The following RSRC1 variants were observed in gnomAD, a reference collection of about 807,000 sequenced individuals.
RSRC1 encodes the protein arginine and serine rich coiled-coil 1, also known as serine/Arginine-related protein 53.
RSRC1 carries 39 observed loss-of-function variants against 49.1 expected under a neutral mutation model. The ratio of observed to expected loss-of-function variants is 0.79; its 90% CI spans 0.61 to 1.04. The LOEUF (loss-of-function observed/expected upper bound fraction) is 1.04. Ranked by LOEUF, RSRC1 falls within the 50% of genes least tolerant of loss-of-function variation. RSRC1 has a pLI of 0.00. For missense variants in RSRC1, 388 were observed against 402.4 expected (o/e 0.96, Z 0.31); for synonymous variants, 143 against 130.8 (o/e 1.09, Z -0.63).
chr3:158,379,239 C>T (rs908258409), intron 6 of RSRC1, among the ~76,000 whole-genome samples: 1 of 130,430 alleles, frequency 7.7e-6, no homozygotes, highest in Non-Finnish European at 1.5e-5. Context: ...CTCGCTCTGT[C>T]GCCCAGGCTG....
At chr3:158,456,710 C>T (rs1290695913) in intron 6 of RSRC1, among the ~76,000 whole-genome samples, 2 of 151,996 alleles carry the variant, frequency 1.3e-5, no homozygotes, top group South Asian at 4.2e-4. Flanking sequence ...AATGGGCACC[C>T]CAGCAGTAAC....
At chr3:158,165,103 C>T (rs575397067) in intron 3 of RSRC1, among the ~76,000 whole-genome samples, 2 of 152,174 alleles carry the variant, frequency 1.3e-5, no homozygotes, top group Admixed American at 6.5e-5. Context: ...AGAGAATAAG[C>T]GGAACCTTTG....
intron 3 of RSRC1, among the ~76,000 whole-genome samples, chr3:158,145,451 G>T (rs1386276988): frequency 6.6e-6 from 1 of 152,112 alleles, no homozygotes. Context: ...TAGATATGTG[G>T]TATTATTTCT....
rs200072005 is a variant in RSRC1, at chr3:158,540,966, T to TA, written c.760-2368dup. Among the ~76,000 whole-genome samples, 29 of 152,284 alleles carry TA rather than the reference T, an allele frequency of 1.9e-4. No individual in the cohort carries two copies. In the East Asian group the frequency reaches 5.6e-3, roughly 29 times the overall value. On this transcript the variant is annotated intron_variant, in intron 8 of 9. Coordinates refer to ENST00000611884, the MANE Select transcript of RSRC1 (RefSeq NM_001271838.2). ...GGAAATAAAAGGTGAGCCCCACAGTTACCCAGCTTTCTGTATGAGGGCACT... is the reference window on the plus strand; with the variant it reads ...GGAAATAAAAGGTGAGCCCCACAGTTAACCCAGCTTTCTGTATGAGGGCACT...
At chr3:158,196,580 G>T (rs954299458) in intron 3 of RSRC1, among the ~76,000 whole-genome samples, 1 of 152,124 alleles carries the variant, frequency 6.6e-6, no homozygotes, top group Non-Finnish European at 1.5e-5. Context: ...TCTTGTGCCA[G>T]TTTTCAAAGG....
chr3:158,408,081 G>A (rs754687500), intron 6 of RSRC1, among the ~76,000 whole-genome samples: 11 of 152,078 alleles, frequency 7.2e-5, no homozygotes, highest in Non-Finnish European at 1.3e-4. Context: ...GGTTGGGGTT[G>A]GTCAGGGAAT....
chr3:158,268,127 CTCTG>C (rs1363397821), intron 4 of RSRC1, among the ~76,000 whole-genome samples: 4 of 152,102 alleles, frequency 2.6e-5, no homozygotes, highest in African/African-American at 9.7e-5. Flanking sequence ...ATAGAGCTCA[CTCTG>C]TCTGTTTTGC....
chr3:158,347,492 A>G (rs974572676), intron 5 of RSRC1, among the ~76,000 whole-genome samples: 1 of 152,184 alleles, frequency 6.6e-6, no homozygotes, highest in South Asian at 2.1e-4. Context: ...ACATATGATA[A>G]TATGGAATTG....
chr3:158,468,863 A>G (rs528064474), intron 7 of RSRC1, among the ~76,000 whole-genome samples: 1 of 152,330 alleles, frequency 6.6e-6, no homozygotes, highest in East Asian at 1.9e-4. Context: ...ATAAAATTAA[A>G]TCACAAGGCT....
At chr3:158,464,456 T>A (rs1422848892) in intron 7 of RSRC1, among the ~76,000 whole-genome samples, 1 of 152,154 alleles carries the variant, frequency 6.6e-6, no homozygotes, top group Non-Finnish European at 1.5e-5. Context: ...TTCAAATATT[T>A]TTTGTTTCCA....
intron 3 of RSRC1, among the ~76,000 whole-genome samples, chr3:158,181,391 C>G (rs542165206): frequency 6.6e-6 from 1 of 152,280 alleles, no homozygotes; most frequent in East Asian, 1.9e-4. Flanking sequence ...GGGAAAGTGT[C>G]TGTATTTGGG....
rs72033904 is a variant in RSRC1 at position 158,532,620 on chromosome 3, TTTGAG to T, written c.653-4469_653-4465del. Among the ~76,000 whole-genome samples, 1,102 of 151,982 alleles carry T rather than the reference TTTGAG, an allele frequency of 7.3e-3. 12 individuals carry two copies. The highest frequency in any genetic ancestry group is 0.026 in the African/African-American group (1,063 of 41,544). On this transcript the variant is annotated intron_variant, in intron 7 of 9. Coordinates refer to ENST00000611884, the MANE Select transcript of RSRC1 (RefSeq NM_001271838.2). Reference sequence around the variant, plus strand: ...ACAAAAGGAAAGTGATTTTCTATACTTTGAGTTAAGTATTGATTATTGTGGTCTGT... The same window carrying T: ...ACAAAAGGAAAGTGATTTTCTATACTTTAAGTATTGATTATTGTGGTCTGT...
chr3:158,241,177 G>T (rs1477631928), intron 4 of RSRC1, among the ~76,000 whole-genome samples: 2 of 152,116 alleles, frequency 1.3e-5, no homozygotes, highest in African/African-American at 4.8e-5. Flanking sequence ...GCTGGGCACG[G>T]TGGCTCACGC....
chr3:158,149,504 G>C (rs1017591254), intron 3 of RSRC1, among the ~76,000 whole-genome samples: 4 of 152,260 alleles, frequency 2.6e-5, no homozygotes, highest in African/African-American at 9.6e-5. Context: ...TTGCAGATGC[G>C]ATGGTCTAAG....
At chr3:158,137,722 C>T (rs1001836348) in intron 3 of RSRC1, among the ~76,000 whole-genome samples, 12 of 149,156 alleles carry the variant, frequency 8.0e-5, no homozygotes, top group African/African-American at 3.0e-4. Flanking sequence ...GGCACCATCT[C>T]AGCTCACTGC....
At chr3:158,490,486 A>T (rs1739038105) in intron 7 of RSRC1, among the ~76,000 whole-genome samples, 1 of 152,258 alleles carries the variant, frequency 6.6e-6, no homozygotes, top group Non-Finnish European at 1.5e-5. Flanking sequence ...CACCGTGTGC[A>T]GAAAATAAAA....
intron 6 of RSRC1, among the ~76,000 whole-genome samples, chr3:158,383,021 G>A (rs985483824): frequency 6.6e-6 from 1 of 152,092 alleles, no homozygotes; most frequent in Admixed American, 6.6e-5. Flanking sequence ...ATTAATTAGA[G>A]TAAATTATTC....
At chr3:158,145,696 G>C (rs147658533) in intron 3 of RSRC1, among the ~76,000 whole-genome samples, 6,650 of 152,186 alleles carry the variant, frequency 0.044, 475 homozygotes, top group African/African-American at 0.15. Context: ...GATGGGGATG[G>C]CATTGAATCT....
chr3:158,437,686 T>G (rs1174625414), intron 6 of RSRC1, among the ~76,000 whole-genome samples: 2 of 151,980 alleles, frequency 1.3e-5, no homozygotes, highest in African/African-American at 2.4e-5. Context: ...TAAGAGCTAT[T>G]TATGACAAAC....
Sources: gnomAD v4.1 joint callset for allele counts (sites outside exome capture counted in the v4.1 genomes callset) on GRCh38, gnomAD v4.1.1 for gene constraint, MANE v1.5 for transcripts, NCBI Gene and HGNC (gene_info 2026-07-23, HGNC 2026-07-21) for gene names.